RAI14: variants seen among roughly 807,000 people sequenced by gnomAD.
RAI14 encodes the protein ankycorbin.
In RAI14, 45 loss-of-function variants were observed where a neutral mutation model predicts 115.4. That is an observed-to-expected ratio of 0.39 (90% CI 0.31 to 0.50). The LOEUF (loss-of-function observed/expected upper bound fraction) is 0.50, where lower values mean the gene tolerates loss of function less well. RAI14 is among the 20% of genes least tolerant of loss of function. RAI14 has a pLI of 0.85. For missense variants in RAI14, 939 were observed against 1,131.2 expected (o/e 0.83, Z 2.44); for synonymous variants, 371 against 415.4 (o/e 0.89, Z 1.30).
chr5:34,762,929 A>ATGTGTG (rs34495404), intron 3 of RAI14, among the ~76,000 whole-genome samples: 61 of 129,154 alleles, frequency 4.7e-4, no homozygotes, highest in South Asian at 1.3e-3. Flanking sequence ...GAGTGTGTGC[A>ATGTGTG]TGTGTGTGTG....
At chr5:34,752,877 C>T (rs923467384) in intron 2 of RAI14, among the ~76,000 whole-genome samples, 1 of 151,424 alleles carries the variant, frequency 6.6e-6, no homozygotes, top group African/African-American at 2.4e-5. Context: ...AAACGATTCT[C>T]CTGCCTCAGA....
chr5:34,757,648 T>C (rs1264870117), intron 3 of RAI14, 50 bp downstream of exon 3: 2 of 1,553,746 alleles, frequency 1.3e-6, no homozygotes, highest in East Asian at 2.3e-5. Flanking sequence ...GTTTTTGGGG[T>C]GTTCTCTGGA....
chr5:34,700,941 C>T (rs1739984595), intron 2 of RAI14, among the ~76,000 whole-genome samples: 1 of 152,214 alleles, frequency 6.6e-6, no homozygotes. Flanking sequence ...ATTTAACTGA[C>T]TGGCATCTGT....
At chr5:34,724,918 A>G (rs1335789690) in intron 2 of RAI14, among the ~76,000 whole-genome samples, 2 of 152,170 alleles carry the variant, frequency 1.3e-5, no homozygotes, top group African/African-American at 2.4e-5. Context: ...TTCTAAGGCA[A>G]TAGGCTCTGG....
chr5:34,708,295 C>T (rs1467984151), intron 2 of RAI14, among the ~76,000 whole-genome samples: 2 of 151,886 alleles, frequency 1.3e-5, no homozygotes, highest in African/African-American at 2.4e-5. Context: ...CTCTGCCTCC[C>T]GCGTTCAAGC....
intron 2 of RAI14, among the ~76,000 whole-genome samples, chr5:34,727,253 G>A (rs747521765): frequency 3.3e-5 from 5 of 152,154 alleles, no homozygotes; most frequent in Non-Finnish European, 7.3e-5. Context: ...AGAGATCTGT[G>A]GAACTTTGAA....
chr5:34,829,178 T>TACAC (rs144038064), intron 16 of RAI14, among the ~76,000 whole-genome samples: 271 of 150,476 alleles, frequency 1.8e-3, no homozygotes, highest in Middle Eastern at 3.4e-3. Context: ...CACACACACA[T>TACAC]ACACACACAC....
chr5:34,683,831 C>T (rs1384416073), intron 1 of RAI14, among the ~76,000 whole-genome samples: 2 of 152,076 alleles, frequency 1.3e-5, no homozygotes, highest in Admixed American at 6.5e-5. Context: ...GGGTTCACGC[C>T]ATTCTCCTGC....
At chr5:34,789,081 T>C (rs1752641127) in intron 3 of RAI14, among the ~76,000 whole-genome samples, 1 of 152,178 alleles carries the variant, frequency 6.6e-6, no homozygotes, top group Non-Finnish European at 1.5e-5. Context: ...TTGCCAGCTA[T>C]CCAGGACACA....
chr5:34,808,482 A>C, intron 6 of RAI14, 102 bp from the exon 7 acceptor site: 1 of 1,020,236 alleles, frequency 9.8e-7, no homozygotes. Context: ...GAATATATGT[A>C]GAGTGGGTAG....
chr5:34,705,168 G>T (rs1561258648), intron 2 of RAI14, among the ~76,000 whole-genome samples: 6 of 151,982 alleles, frequency 3.9e-5, no homozygotes, highest in Admixed American at 2.0e-4. Context: ...CTTAAGTTTG[G>T]AACAACTTGG....
rs772574612 is a variant in RAI14, at chr5:34,823,000, A to G, written c.1158A>G (p.Ser386=). 1 of 1,614,068 alleles carries G rather than the reference A, an allele frequency of 6.2e-7. No individual in the cohort carries two copies. The highest frequency in any genetic ancestry group is 8.5e-7 in the Non-Finnish European group (1 of 1,180,006). ...CGGAAGCAGACCTAAGCTTTGACTC[A>G]TACCATTCCACCCAAACTGACTTGG... is the stretch of plus-strand genomic sequence containing the variant. ...KEAEADLSFD[S]YHSTQTDLGP... is the part of the protein sequence containing the mutation. Residue 386 remains serine (S), a synonymous_variant, in exon 15 of 18, where the codon TCA becomes TCG. Transcript: ENST00000265109.
chr5:34,811,579 G>GT (rs1233159395), intron 8 of RAI14, among the ~76,000 whole-genome samples, 188 bp from the exon 9 acceptor site: 94 of 113,804 alleles, frequency 8.3e-4, no homozygotes, highest in African/African-American at 2.6e-3. Context: ...TTAATCTGAA[G>GT]TTTAAAAAAA....
intron 2 of RAI14, among the ~76,000 whole-genome samples, chr5:34,696,698 G>A (rs1020906918): frequency 3.9e-5 from 6 of 152,366 alleles, no homozygotes; most frequent in South Asian, 2.1e-4. Context: ...TTAAACCTTA[G>A]TGACTTTTAC....
intron 1 of RAI14, among the ~76,000 whole-genome samples, chr5:34,658,335 A>G (rs1293862381): frequency 6.6e-6 from 1 of 152,200 alleles, no homozygotes; most frequent in Non-Finnish European, 1.5e-5. Context: ...AGCATGTTCT[A>G]GGCAGGTACA....
intron 3 of RAI14, among the ~76,000 whole-genome samples, chr5:34,768,219 C>T (rs1205881546): frequency 1.3e-5 from 2 of 150,644 alleles, no homozygotes; most frequent in Admixed American, 6.7e-5. Flanking sequence ...CCCTACATTT[C>T]CCTTCTGCAC....
chr5:34,722,413 G>T (rs938278405), intron 2 of RAI14, among the ~76,000 whole-genome samples: 1 of 151,830 alleles, frequency 6.6e-6, no homozygotes, highest in African/African-American at 2.4e-5. Context: ...AGCCTGCTGG[G>T]TGACACTTTG....
At chr5:34,703,762 T>C (rs1740358537) in intron 2 of RAI14, among the ~76,000 whole-genome samples, 2 of 152,206 alleles carry the variant, frequency 1.3e-5, no homozygotes, top group African/African-American at 2.4e-5. Flanking sequence ...AATTTTCTCC[T>C]GGGCTGTAGG....
intron 7 of RAI14, among the ~76,000 whole-genome samples, chr5:34,810,250 A>G (rs558042458): frequency 3.1e-3 from 478 of 152,338 alleles, no homozygotes; most frequent in Non-Finnish European, 5.5e-3. Flanking sequence ...TCCAGAAAAA[A>G]AACAAAATAA....
Sources: gnomAD v4.1 joint callset for allele counts (sites outside exome capture counted in the v4.1 genomes callset) on GRCh38, gnomAD v4.1.1 for gene constraint, MANE v1.5 for transcripts, NCBI Gene and HGNC (gene_info 2026-07-23, HGNC 2026-07-21) for gene names.